Variants in RBFOX3 observed in about 807,000 individuals in gnomAD.
The protein encoded by RBFOX3 is RNA binding fox-1 homolog 3, also known as RNA binding protein fox-1 homolog 3.
In RBFOX3, 17 loss-of-function variants were observed where a neutral mutation model predicts 48.7. The ratio of observed to expected loss-of-function variants is 0.35; its 90% CI spans 0.24 to 0.52. The LOEUF (loss-of-function observed/expected upper bound fraction) is 0.52, where lower values mean the gene tolerates loss of function less well. Ranked by LOEUF, RBFOX3 falls within the 20% of genes least tolerant of loss-of-function variation. RBFOX3 has a pLI of 0.94. For missense variants in RBFOX3, 382 were observed against 497.5 expected, an observed-to-expected ratio of 0.77 and a Z score of 2.21; for synonymous variants, 212 against 209.5, an observed-to-expected ratio of 1.01 and a Z score of -0.10.
At chr17:79,209,975 C>G (rs1172286005) in intron 4 of RBFOX3, among the ~76,000 whole-genome samples, 2 of 136,020 alleles carry the variant, frequency 1.5e-5, no homozygotes, top group Non-Finnish European at 3.0e-5. Flanking sequence ...CTAGCCTGGG[C>G]GACAGAGCAA....
At chr17:79,570,629 G>A (rs2092641231) in intron 1 of RBFOX3, among the ~76,000 whole-genome samples, 1 of 152,172 alleles carries the variant, frequency 6.6e-6, no homozygotes, top group African/African-American at 2.4e-5. Flanking sequence ...GCTGCCACTA[G>A]CTCTCAAGCC....
chr17:79,108,943 T>C (rs2077963780), intron 5 of RBFOX3, among the ~76,000 whole-genome samples: 1 of 152,226 alleles, frequency 6.6e-6, no homozygotes, highest in Non-Finnish European at 1.5e-5. Context: ...CTGATGCAGC[T>C]CTGTCCCCTG....
rs561302596 is a variant in RBFOX3 at position 79,279,186 on chromosome 17, C to T, written c.-74+28538G>A. Among the ~76,000 whole-genome samples the T allele has an allele frequency of 3.9e-5, 6 of 152,050 alleles. 1 individual carries two copies. Among genetic ancestry groups the T allele is most frequent in the South Asian group, 4.2e-4 (2 of 4,804 alleles). On this transcript the variant is annotated intron_variant, in intron 3 of 14. Coordinates refer to ENST00000693108, the MANE Select transcript of RBFOX3 (RefSeq NM_001350451.2). ...GTAAGGTGGGCACGGGAGGTGTTCA[C>T]GGGGTCTTAAGAACAGCCAGGAGAA...
At chr17:79,213,718 C>T (rs1321176233) in intron 4 of RBFOX3, among the ~76,000 whole-genome samples, 2 of 152,234 alleles carry the variant, frequency 1.3e-5, no homozygotes, top group East Asian at 3.8e-4. Context: ...GCACCGCCAA[C>T]AAATGTTGAC....
intron 3 of RBFOX3, among the ~76,000 whole-genome samples, chr17:79,269,825 C>T (rs1156533438): frequency 6.6e-6 from 1 of 150,740 alleles, no homozygotes; most frequent in Non-Finnish European, 1.5e-5. Flanking sequence ...ACAAGCAAGC[C>T]TTCCAGCAAG....
chr17:79,177,529 C>A (rs1050988257), intron 4 of RBFOX3, among the ~76,000 whole-genome samples: 1 of 152,234 alleles, frequency 6.6e-6, no homozygotes, highest in African/African-American at 2.4e-5. Flanking sequence ...GCTTACCCCC[C>A]TCTGCGAGCC....
rs2058045098 is a variant in RBFOX3, at chr17:79,209,433, T to TA, written c.-34+26332_-34+26333insT. Among the ~76,000 whole-genome samples the TA allele has an allele frequency of 4.6e-5, 7 of 152,296 alleles. No individual in the cohort carries two copies. In the Middle Eastern group the frequency reaches 0.014, roughly 296 times the overall value. On this transcript the variant is annotated intron_variant, in intron 4 of 14. Coordinates refer to ENST00000693108, the MANE Select transcript of RBFOX3 (RefSeq NM_001350451.2). Reference sequence around the variant, plus strand: ...GACAGAGGCACTCGGGACACACCCATTGAACCAAACGGAACTCCCACTTCC... The same window carrying TA: ...GACAGAGGCACTCGGGACACACCCATATGAACCAAACGGAACTCCCACTTCC...
chr17:79,538,877 G>C (rs1350571240), intron 1 of RBFOX3, among the ~76,000 whole-genome samples: 1 of 152,108 alleles, frequency 6.6e-6, no homozygotes, highest in African/African-American at 2.4e-5. Flanking sequence ...TATGTAAAGA[G>C]TGCCCTGAAA....
chr17:79,410,921 G>A (rs1330709334), intron 2 of RBFOX3, among the ~76,000 whole-genome samples: 1 of 152,268 alleles, frequency 6.6e-6, no homozygotes. Flanking sequence ...GCTGGGGAAC[G>A]AGCTGGCACC....
At chr17:79,506,040 G>A (rs1598975403) in intron 1 of RBFOX3, among the ~76,000 whole-genome samples, 1 of 152,210 alleles carries the variant, frequency 6.6e-6, no homozygotes, top group African/African-American at 2.4e-5. Context: ...CAAACACATA[G>A]ATGCTTATGG....
intron 2 of RBFOX3, among the ~76,000 whole-genome samples, chr17:79,372,290 G>GC (rs2073122264): frequency 9.1e-6 from 1 of 110,224 alleles, no homozygotes; most frequent in Non-Finnish European, 1.8e-5. Flanking sequence ...GGGTCCTATA[G>GC]CCCCTCTATA....
At chr17:79,222,159 T>A (rs56219093) in intron 4 of RBFOX3, among the ~76,000 whole-genome samples, 1 of 151,574 alleles carries the variant, frequency 6.6e-6, no homozygotes, top group Admixed American at 6.6e-5. Flanking sequence ...GCTGCCTGAT[T>A]TCTACCTGCA....
intron 4 of RBFOX3, among the ~76,000 whole-genome samples, chr17:79,206,886 A>G (rs949427903): frequency 6.6e-6 from 1 of 152,008 alleles, no homozygotes; most frequent in African/African-American, 2.4e-5. Context: ...CATCTCATTG[A>G]CTCAATAGTA....
chr17:79,274,773 G>A (rs1010447746), intron 3 of RBFOX3, among the ~76,000 whole-genome samples: 11 of 151,978 alleles, frequency 7.2e-5, no homozygotes, highest in Non-Finnish European at 1.5e-4. Context: ...CAGCTTCAGC[G>A]AAAGCCCAGG....
intron 4 of RBFOX3, among the ~76,000 whole-genome samples, chr17:79,135,327 A>G (rs2039939752): frequency 6.6e-6 from 1 of 152,194 alleles, no homozygotes; most frequent in Non-Finnish European, 1.5e-5. Flanking sequence ...GGAAGGAGCC[A>G]GGCCACCTTA....
chr17:79,250,351 G>A (rs1008166465), intron 3 of RBFOX3, among the ~76,000 whole-genome samples: 2 of 152,226 alleles, frequency 1.3e-5, no homozygotes, highest in Non-Finnish European at 2.9e-5. Context: ...CCTGGGTTCT[G>A]TTCATGCAGA....
Position 79,392,167 on chromosome 17 carries a change from A to C in RBFOX3, c.-174-84343T>G, listed in dbSNP as rs911342265. Among the ~76,000 whole-genome samples the C allele has an allele frequency of 1.3e-5, 2 of 152,114 alleles. No homozygotes were observed. The highest frequency in any genetic ancestry group is 2.4e-5 in the African/African-American group (1 of 41,412). Reference sequence around the variant, plus strand: ...GCCAACAACAGCACATCACAGAGCTAACAGTAAAGAAAACTGGGGCAGCCT... The same window carrying C: ...GCCAACAACAGCACATCACAGAGCTCACAGTAAAGAAAACTGGGGCAGCCT... On this transcript the variant is annotated intron_variant, in intron 2 of 14. Coordinates refer to ENST00000693108, the MANE Select transcript of RBFOX3 (RefSeq NM_001350451.2). This position sits in a 1 kb window ranked among gnomAD's most constrained non-coding sequence, Gnocchi z 5.0.
chr17:79,264,919 C>T (rs1211235000), intron 3 of RBFOX3, among the ~76,000 whole-genome samples: 4 of 151,570 alleles, frequency 2.6e-5, no homozygotes, highest in South Asian at 2.1e-4. Context: ...GGGAAGTGTC[C>T]GGCATTACTG....
At chr17:79,229,096 G>A (rs2060679138) in intron 4 of RBFOX3, among the ~76,000 whole-genome samples, 1 of 151,818 alleles carries the variant, frequency 6.6e-6, no homozygotes, top group Admixed American at 6.6e-5. Context: ...AGGCGTGGTG[G>A]CATACGCCTG....
Sources: gnomAD v4.1 joint callset for allele counts (sites outside exome capture counted in the v4.1 genomes callset) on GRCh38, gnomAD v4.1.1 for gene constraint, Gnocchi (gnomAD v3.1) non-coding constraint, MANE v1.5 for transcripts, NCBI Gene and HGNC (gene_info 2026-07-23, HGNC 2026-07-21) for gene names.